The following TNNI2 variants were observed in gnomAD, a reference collection of about 807,000 sequenced individuals.
TNNI2 encodes the protein troponin I, fast skeletal muscle.
A neutral mutation model predicts 26.5 loss-of-function variants in TNNI2; 14 were observed. The observed-to-expected ratio is 0.53, with a 90% CI of 0.35 to 0.83. The LOEUF is 0.83. TNNI2 is among the 40% of genes least tolerant of loss of function. TNNI2 has a pLI of 0.01. For missense variants in TNNI2, 205 were observed against 248.5 expected, an observed-to-expected ratio of 0.82 and a Z score of 1.18; for synonymous variants, 126 against 97.6, an observed-to-expected ratio of 1.29 and a Z score of -1.71.
At position 1,841,521 on chromosome 11, in the gene TNNI2, C is replaced by T. The variant is rs1356634485; in HGVS notation, c.519C>T (p.Gly173=). The T allele has an allele frequency of 1.2e-6, 2 of 1,614,128 alleles. No individual in the cohort carries two copies. Among genetic ancestry groups the T allele is most frequent in the East Asian group, 2.2e-5 (1 of 44,876 alleles). Residue 173 remains glycine, a synonymous_variant, in exon 8 of 8, where the codon GGC becomes GGT. Transcript: ENST00000381911. ...TCGAGGAGAAGTCTGGCATGGAGGGCCGGAAGAAGATGTTTGAGTCCGAGT... is the reference window on the plus strand; with the variant it reads ...TCGAGGAGAAGTCTGGCATGGAGGGTCGGAAGAAGATGTTTGAGTCCGAGT... ...KNIEEKSGME[G]RKKMFESES is the part of the protein sequence containing the mutation.
rs1847125750 is a variant in TNNI2, at chr11:1,839,919, A to G, written c.15+64A>G. The G allele has an allele frequency of 2.5e-6, 4 of 1,608,410 alleles. No homozygotes were observed. In the Admixed American group the frequency reaches 5.0e-5, roughly 20 times the overall value. On this transcript the variant is annotated intron_variant, in intron 3 of 7. Coordinates refer to ENST00000381911, the MANE Select transcript of TNNI2 (RefSeq NM_003282.4). ...GGGCTCCCCCAACTCAGCATAGGTC[A>G]TAGGTCACAGCCTCAAGGCCCTAAG...
At chr11:1,840,997 A>C (rs961321507) in intron 6 of TNNI2, 34 bp from the exon 7 acceptor site, 98 of 1,603,422 alleles carry the variant, frequency 6.1e-5, no homozygotes, top group Non-Finnish European at 8.3e-5. Flanking sequence ...GACCACCGGG[A>C]CCTCGGGCTC....
chr11:1,840,347 T>C, intron 3 of TNNI2, 56 bp from the exon 4 acceptor site: 1 of 1,569,600 alleles, frequency 6.4e-7, no homozygotes. Context: ...TGGAAGGGGG[T>C]GGGGGTGCTC....
At chr11:1,839,887 G>A (rs750665705) in intron 3 of TNNI2, 32 bp downstream of exon 3, 26 of 1,613,444 alleles carry the variant, frequency 1.6e-5, no homozygotes, top group East Asian at 8.9e-5. Context: ...AAAACATGAC[G>A]AGGAGGGGGC....
chr11:1,840,859 A>G lies in TNNI2; in HGVS notation c.227A>G (p.Glu76Gly). The G allele has an allele frequency of 6.2e-7, 1 of 1,613,316 alleles. No individual in the cohort carries two copies. The highest frequency in any genetic ancestry group is 8.5e-7 in the Non-Finnish European group (1 of 1,179,808). ...CTGCACGCCAAGATCGATGCGGCTG[A>G]AGAGGAGAAGTACGACATGGAGGTG... ...KQLHAKIDAA[E>G]EEKYDMEVRV... Residue 76 changes from glutamate (E) to glycine (G), a missense_variant, in exon 6 of 8, where the codon GAA (glutamate) becomes GGA (glycine). Glu to Gly is a moderately conservative substitution (Grantham distance 98, BLOSUM62 -2). Transcript: ENST00000381911.
intron 3 of TNNI2, 131 bp from the exon 4 acceptor site, chr11:1,840,272 T>C: frequency 1.3e-6 from 2 of 1,549,176 alleles, no homozygotes; most frequent in South Asian, 1.2e-5. Context: ...CTGCCCATCA[T>C]GGCCTCAGGA....
chr11:1,839,747 C>T (rs1847121683), intron 2 of TNNI2, 43 bp downstream of exon 2: 1 of 1,613,552 alleles, frequency 6.2e-7, no homozygotes, highest in Non-Finnish European at 8.5e-7. Context: ...CCCTGCCCAC[C>T]TCCTGCCCTG....
intron 2 of TNNI2, 53 bp downstream of exon 2, chr11:1,839,757 G>A (rs764536585): frequency 6.2e-7 from 1 of 1,613,290 alleles, no homozygotes; most frequent in Non-Finnish European, 8.5e-7. Flanking sequence ...CTCCTGCCCT[G>A]TCCACCCCAT....
intron 1 of TNNI2, chr11:1,839,474 T>C (rs568740704): frequency 2.5e-6 from 1 of 398,660 alleles, no homozygotes; most frequent in East Asian, 5.7e-5. Context: ...TTGGGAACAC[T>C]TTCTCCTCTT....
chr11:1,840,935 A>C, intron 6 of TNNI2, 27 bp downstream of exon 6: 1 of 1,604,478 alleles, frequency 6.2e-7, no homozygotes, highest in South Asian at 1.1e-5. Flanking sequence ...GGCCGGCGGC[A>C]GGCGGGTAGG....
intron 3 of TNNI2, 148 bp from the exon 4 acceptor site, chr11:1,840,255 G>T (rs1041306985): frequency 6.5e-7 from 1 of 1,548,208 alleles, no homozygotes; most frequent in African/African-American, 1.4e-5. Context: ...GGCCAGGGAG[G>T]CCCAGCCTGC....
At chr11:1,841,280 G>A (rs1847175341) in intron 7 of TNNI2, 73 bp downstream of exon 7, 1 of 1,586,318 alleles carries the variant, frequency 6.3e-7, no homozygotes. Flanking sequence ...CCCCGCCTGG[G>A]GACCACCTCC....
Position 1,841,482 on chromosome 11 carries a change from CT to C in TNNI2, c.481del (p.Trp161GlyfsTer?). The C allele has an allele frequency of 1.2e-6, 2 of 1,614,122 alleles. No homozygotes were observed. Among genetic ancestry groups the C allele is most frequent in the Non-Finnish European group, 1.7e-6 (2 of 1,180,004 alleles). On this transcript the variant is annotated frameshift_variant, in exon 8 of 8. Transcript: ENST00000381911. LOFTEE classifies it high-confidence loss of function. ...AGCGGGACCTGCGAGACGTGGGTGA[CT>C]GGAGGAAGAACATCGAGGAGAAGTC... ...KERDLRDVGDWRKNIEEKSGM... is the reference protein window; with the variant it reads ...KERDLRDVGDXRKNIEEKSGM...
Position 1,841,100 on chromosome 11 carries a change from C to G in TNNI2, c.346C>G (p.Arg116Gly). Reference protein sequence around the residue: ...KFKRPPLRRVRMSADAMLKAL... With the variant: ...KFKRPPLRRVGMSADAMLKAL... ...CAAGCGGCCCCCACTGCGGAGGGTG[C>G]GCATGTCGGCCGATGCCATGCTCAA... Residue 116 changes from arginine to glycine, a missense_variant, in exon 7 of 8, where the codon CGC becomes GGC. Physicochemically the swap from Arg to Gly is moderately radical, Grantham distance 125 (BLOSUM62 -2). Coordinates refer to ENST00000381911, the MANE Select transcript of TNNI2 (RefSeq NM_003282.4). 6.2e-7 allele frequency: 1 copy of G among 1,613,116 alleles called. No homozygotes were observed. The highest frequency in any genetic ancestry group is 8.5e-7 in the Non-Finnish European group (1 of 1,179,930).
Position 1,840,800 on chromosome 11 carries a change from C to G in TNNI2, c.187-19C>G. ...TGCCAAGTGTCAGGACGGCCGCCCG[C>G]CCCCACACCCACCCCTAGGAGCTCT... On this transcript the variant is annotated intron_variant, in intron 5 of 7. Transcript: ENST00000381911. 1 of 1,606,988 alleles carries G rather than the reference C, an allele frequency of 6.2e-7. No individual in the cohort carries two copies. Among genetic ancestry groups the G allele is most frequent in the South Asian group, 1.1e-5 (1 of 90,410 alleles).
intron 7 of TNNI2, 69 bp downstream of exon 7, chr11:1,841,276 C>G (rs553598062): frequency 6.3e-7 from 1 of 1,587,630 alleles, no homozygotes; most frequent in East Asian, 2.3e-5. Flanking sequence ...CCTGCCCCGC[C>G]TGGGGACCAC....
chr11:1,839,979 A>G, intron 3 of TNNI2, 124 bp downstream of exon 3: 1 of 1,438,370 alleles, frequency 7.0e-7, no homozygotes, highest in Non-Finnish European at 9.4e-7. Flanking sequence ...CCCCGCTGGC[A>G]AAAGTGCCCC....
intron 1 of TNNI2, chr11:1,839,450 A>G (rs922055500): frequency 4.4e-5 from 25 of 562,654 alleles, no homozygotes; most frequent in Admixed American, 1.4e-4. Context: ...TCCTCAGGCT[A>G]TGCCTGGGAC....
chr11:1,840,358 C>T lies in TNNI2; in HGVS notation c.16-45C>T, dbSNP rs376367359. 2,941 of 1,584,310 alleles carry T rather than the reference C, an allele frequency of 1.9e-3. 5 individuals are homozygous for T. The highest frequency in any genetic ancestry group is 2.8e-3 in the Admixed American group (156 of 55,182). On this transcript the variant is annotated intron_variant, in intron 3 of 7. Coordinates refer to ENST00000381911, the MANE Select transcript of TNNI2 (RefSeq NM_003282.4). ...AGCGTGGAAGGGGGTGGGGGTGCTC[C>T]AGGCCTGGAGGCCCTGACTCGACCC...
Sources: allele counts gnomAD v4.1 joint callset, GRCh38; gene constraint gnomAD v4.1.1; transcripts MANE v1.5; gene names NCBI Gene and HGNC (gene_info 2026-07-23, HGNC 2026-07-21).